DPP10: variants seen among roughly 807,000 people sequenced by gnomAD.
DPP10 encodes inactive dipeptidyl peptidase 10.
DPP10 carries 33 observed loss-of-function variants against 120.9 expected under a neutral mutation model. The observed-to-expected ratio is 0.27, with a 90% CI of 0.21 to 0.37. The LOEUF is 0.37. Ranked by LOEUF, DPP10 falls within the 10% of genes least tolerant of loss-of-function variation. The pLI, the probability that DPP10 is intolerant of heterozygous loss-of-function variation, is 1.00. For synonymous variants in DPP10, 337 were observed against 326.1 expected, an observed-to-expected ratio of 1.03 and a Z score of -0.36; for missense variants, 816 against 942.8, an observed-to-expected ratio of 0.87 and a Z score of 1.76.
At chr2:114,596,115 A>C (rs989205707) in intron 1 of DPP10, among the ~76,000 whole-genome samples, 2 of 150,152 alleles carry the variant, frequency 1.3e-5, no homozygotes, top group Admixed American at 6.7e-5. Context: ...CACACATTTA[A>C]AAATTACTTG....
intron 1 of DPP10, among the ~76,000 whole-genome samples, chr2:114,499,155 C>A (rs967777369): frequency 6.6e-6 from 1 of 152,154 alleles, no homozygotes; most frequent in Non-Finnish European, 1.5e-5. Context: ...GGGTATGATA[C>A]AACAGTGGCC....
chr2:115,039,499 G>A lies in DPP10; in HGVS notation c.61-269740G>A, dbSNP rs1704474544. Reference sequence around the variant, plus strand: ...CATTCTGACCCCAAGGAAAGGGTAAGCATGACATGTTTTCTTATACCAGAG... The same window carrying A: ...CATTCTGACCCCAAGGAAAGGGTAAACATGACATGTTTTCTTATACCAGAG... On this transcript the variant is annotated intron_variant, in intron 1 of 25. Coordinates refer to ENST00000410059, the MANE Select transcript of DPP10 (RefSeq NM_020868.6). Among the ~76,000 whole-genome samples the A allele has an allele frequency of 5.3e-5, 8 of 152,154 alleles. No individual in the cohort carries two copies. The South Asian group carries it at 1.7e-3, about 31-fold the overall frequency.
At chr2:115,290,953 A>G (rs1347946053) in intron 1 of DPP10, among the ~76,000 whole-genome samples, 1 of 152,106 alleles carries the variant, frequency 6.6e-6, no homozygotes, top group Admixed American at 6.5e-5. Context: ...TCTTACATAC[A>G]AAGAATGGGC....
chr2:114,522,479 T>C (rs985452192), intron 1 of DPP10, among the ~76,000 whole-genome samples: 3 of 152,174 alleles, frequency 2.0e-5, no homozygotes, highest in Non-Finnish European at 4.4e-5. Context: ...ATTGAATCTA[T>C]ATATACTTAG....
At chr2:115,327,660 A>G (rs1048998247) in intron 2 of DPP10, among the ~76,000 whole-genome samples, 2 of 152,074 alleles carry the variant, frequency 1.3e-5, no homozygotes, top group Non-Finnish European at 2.9e-5. Flanking sequence ...AGTTTAGCTC[A>G]TAACTCAAGC....
intron 1 of DPP10, among the ~76,000 whole-genome samples, chr2:114,853,657 G>A (rs528357430): frequency 1.3e-5 from 2 of 152,178 alleles, no homozygotes; most frequent in Non-Finnish European, 2.9e-5. Context: ...AAGCTAGTGA[G>A]AAATGATGAA....
rs1292196388 is a variant in DPP10, at chr2:115,191,153, AT to A, written c.61-118085del. ...AATCTGTACTGGGTTACAGTGATTTATCTGACCACGGGGAGGGCTAACTCCT... is the reference window on the plus strand; with the variant it reads ...AATCTGTACTGGGTTACAGTGATTTACTGACCACGGGGAGGGCTAACTCCT... On this transcript the variant is annotated intron_variant, in intron 1 of 25. Transcript: ENST00000410059. Among the ~76,000 whole-genome samples the A allele has an allele frequency of 3.3e-5, 5 of 152,196 alleles. No individual in the cohort carries two copies. In the East Asian group the frequency reaches 9.7e-4, roughly 29 times the overall value.
intron 1 of DPP10, among the ~76,000 whole-genome samples, chr2:115,141,422 T>C (rs1301514334): frequency 6.6e-6 from 1 of 152,176 alleles, no homozygotes; most frequent in South Asian, 2.1e-4. Context: ...GAAACTCTTA[T>C]TTTCATTTTA....
intron 20 of DPP10, among the ~76,000 whole-genome samples, chr2:115,815,359 A>C (rs1687110332): frequency 6.6e-6 from 1 of 152,154 alleles, no homozygotes; most frequent in Non-Finnish European, 1.5e-5. Context: ...TGACCTAAGA[A>C]AGTTAGTGGG....
intron 1 of DPP10, among the ~76,000 whole-genome samples, chr2:114,597,654 C>T (rs1236197499): frequency 6.6e-6 from 1 of 151,924 alleles, no homozygotes; most frequent in Admixed American, 6.6e-5. Flanking sequence ...TCCATGAATC[C>T]CACTTTCCTT....
intron 3 of DPP10, among the ~76,000 whole-genome samples, chr2:115,465,445 A>C (rs532037629): frequency 6.6e-6 from 1 of 152,250 alleles, no homozygotes; most frequent in Non-Finnish European, 1.5e-5. Context: ...TACACACAGA[A>C]TATGAGAATG....
chr2:115,697,440 G>A (rs139878313), intron 7 of DPP10, among the ~76,000 whole-genome samples: 2,971 of 151,934 alleles, frequency 0.02, 103 homozygotes, highest in African/African-American at 0.069. Flanking sequence ...CTATACTAAC[G>A]TAAAAATAGG....
At chr2:114,649,667 T>C (rs1696426357) in intron 1 of DPP10, among the ~76,000 whole-genome samples, 1 of 152,172 alleles carries the variant, frequency 6.6e-6, no homozygotes, top group Non-Finnish European at 1.5e-5. Flanking sequence ...AATTAAAATA[T>C]GAAGCAATGA....
At chr2:115,825,605 C>T (rs1217016895) in intron 21 of DPP10, among the ~76,000 whole-genome samples, 1 of 152,078 alleles carries the variant, frequency 6.6e-6, no homozygotes, top group African/African-American at 2.4e-5. Context: ...TTTCAAACTC[C>T]AATTCAAACC....
intron 3 of DPP10, among the ~76,000 whole-genome samples, chr2:115,488,656 C>G (rs1246631130): frequency 9.5e-6 from 1 of 104,916 alleles, no homozygotes; most frequent in African/African-American, 3.7e-5. Flanking sequence ...CGCATATTCT[C>G]ACTCATAGGT....
intron 1 of DPP10, among the ~76,000 whole-genome samples, chr2:114,685,852 G>A (rs1559002206): frequency 6.6e-6 from 1 of 151,932 alleles, no homozygotes; most frequent in Non-Finnish European, 1.5e-5. Flanking sequence ...CGGTCTTCTT[G>A]CTTACACTGT....
intron 1 of DPP10, among the ~76,000 whole-genome samples, chr2:114,996,340 A>G (rs1352209122): frequency 6.6e-6 from 1 of 152,216 alleles, no homozygotes; most frequent in Non-Finnish European, 1.5e-5. Context: ...TAGATATAAT[A>G]ATGACATGAC....
At chr2:115,508,772 A>G (rs1327992501) in intron 4 of DPP10, among the ~76,000 whole-genome samples, 1 of 152,120 alleles carries the variant, frequency 6.6e-6, no homozygotes, top group Non-Finnish European at 1.5e-5. Flanking sequence ...GTGTGGTGGC[A>G]TGTGCTTCTA....
At chr2:114,725,260 C>T (rs1287894237) in intron 1 of DPP10, among the ~76,000 whole-genome samples, 1 of 152,152 alleles carries the variant, frequency 6.6e-6, no homozygotes, top group African/African-American at 2.4e-5. Flanking sequence ...TCATTTCGAA[C>T]TCCTCTCTAT....
Sources: allele counts gnomAD v4.1 joint callset (sites outside exome capture counted in the v4.1 genomes callset), GRCh38; gene constraint gnomAD v4.1.1; transcripts MANE v1.5; gene names NCBI Gene and HGNC (gene_info 2026-07-23, HGNC 2026-07-21).